Variants in DNAH1 observed in about 807,000 individuals in gnomAD.
DNAH1 encodes the protein dynein axonemal heavy chain 1, also known as axonemal beta dynein heavy chain 1.
In DNAH1, 327 loss-of-function variants were observed where a neutral mutation model predicts 484.3. The ratio of observed to expected loss-of-function variants is 0.68; its 90% CI spans 0.62 to 0.74. The LOEUF (loss-of-function observed/expected upper bound fraction) is 0.74. Among genes scored for constraint, DNAH1 ranks in the 30% least tolerant of loss-of-function variants. The probability of loss-of-function intolerance (pLI) is 0.00; values close to 1 mark genes in which losing one functional copy is unlikely to be tolerated. For missense variants in DNAH1, 5,052 were observed against 5,546.8 expected (o/e 0.91, Z 2.83); for synonymous variants, 2,192 against 2,191.9 (o/e 1.00, Z 0.00).
In DNAH1 at chr3:52,357,600, C is replaced by T; in HGVS notation, c.3859-14C>T. On this transcript the variant is annotated splice_polypyrimidine_tract_variant and intron_variant, in intron 22 of 77. Coordinates refer to ENST00000420323, the MANE Select transcript of DNAH1 (RefSeq NM_015512.5). ...GCTCACTGCCCATTTCTGTGCATGG[C>T]CCGGGCCCTGCAGGTGATCAATGTG... The T allele has an allele frequency of 6.3e-7, 1 of 1,595,020 alleles. No individual in the cohort carries two copies. Among genetic ancestry groups the T allele is most frequent in the Non-Finnish European group, 8.5e-7 (1 of 1,170,138 alleles).
In DNAH1 at chr3:52,326,176, G is replaced by A. The variant is rs768707082; in HGVS notation, c.443G>A (p.Arg148His). The stretch of plus-strand genomic sequence containing the variant: ...GAGGTTCCTGAAGACTTCCAGGAGC[G>A]CATGGAGCAGCAGTGCATCGGGTCC... ...SFEVPEDFQE[R>H]MEQQCIGSTT... The change falls in exon 4 of 78, where the codon CGC becomes CAC. Residue 148 changes from arginine to histidine, a missense_variant. By Grantham distance (29) the Arg-to-His change is conservative. Transcript: ENST00000420323. 20 of 1,611,564 alleles carry A rather than the reference G, an allele frequency of 1.2e-5. No homozygotes were observed. The highest frequency in any genetic ancestry group is 4.0e-5 in the African/African-American group (3 of 74,896).
chr3:52,335,195 A>G (rs1701697048), intron 8 of DNAH1, among the ~76,000 whole-genome samples: 1 of 120,698 alleles, frequency 8.3e-6, no homozygotes, highest in Non-Finnish European at 1.6e-5. Context: ...AGCTGGAATT[A>G]CAGGTGCCTG....
At chr3:52,372,196 G>T (rs760385925) in intron 42 of DNAH1, 31 bp from the exon 43 acceptor site, 12 of 1,612,224 alleles carry the variant, frequency 7.4e-6, no homozygotes, top group Non-Finnish European at 1.0e-5. Context: ...CAGGCCCACC[G>T]CATGCTCCTG....
chr3:52,314,227 A>G (rs1356415085), upstream of DNAH1, among the ~76,000 whole-genome samples: 1 of 152,218 alleles, frequency 6.6e-6, no homozygotes, highest in Non-Finnish European at 1.5e-5. Flanking sequence ...TAATTATAAT[A>G]AACAGTTTCC....
chr3:52,341,459 A>G (rs544005806), intron 8 of DNAH1, among the ~76,000 whole-genome samples: 17 of 152,046 alleles, frequency 1.1e-4, no homozygotes, highest in Non-Finnish European at 2.4e-4. Context: ...ATCCTGTGGG[A>G]AACTCTAGAG....
intron 39 of DNAH1, 30 bp downstream of exon 39, chr3:52,370,259 C>G (rs1203908702): frequency 1.2e-6 from 2 of 1,607,440 alleles, no homozygotes; most frequent in Admixed American, 3.4e-5. Flanking sequence ...GCTAGATGCA[C>G]CTGGTCCCTC....
At chr3:52,399,247 G>C (rs765255712) in intron 76 of DNAH1, 46 bp downstream of exon 76, 1 of 1,534,578 alleles carries the variant, frequency 6.5e-7, no homozygotes, top group Non-Finnish European at 8.8e-7. Flanking sequence ...CTAGGGTACA[G>C]CCCAGGGAGG....
rs1217175680 is a variant in DNAH1 at position 52,322,581 on chromosome 3, T to C, written c.139T>C (p.Tyr47His). 6.2e-7 allele frequency: 1 copy of C among 1,613,884 alleles called. No individual in the cohort carries two copies. ...NPGKILPGSD[Y>H]GLGNPPALDP... ...GGGGAAGATTCTTCCAGGATCAGACTATGGGTTGGGAAATCCTCCAGCCCT... is the reference window on the plus strand; with the variant it reads ...GGGGAAGATTCTTCCAGGATCAGACCATGGGTTGGGAAATCCTCCAGCCCT... Residue 47 changes from tyrosine to histidine, a missense_variant, in exon 2 of 78, where the codon TAT becomes CAT. Tyr to His is a moderately conservative substitution (Grantham distance 83). Coordinates refer to ENST00000420323, the MANE Select transcript of DNAH1 (RefSeq NM_015512.5).
At chr3:52,312,499 C>G (rs1700811650), upstream of DNAH1, among the ~76,000 whole-genome samples, 1 of 142,914 alleles carries the variant, frequency 7.0e-6, no homozygotes, top group South Asian at 2.2e-4. Flanking sequence ...GAGATGGAGT[C>G]TCTCTCTGTC....
chr3:52,360,526 C>A, intron 28 of DNAH1, 102 bp downstream of exon 28: 1 of 973,048 alleles, frequency 1.0e-6, no homozygotes, highest in South Asian at 1.5e-5. Context: ...TGATCTAGTC[C>A]ATCAGAGCAG....
At chr3:52,388,357 G>C in intron 57 of DNAH1, 23 bp downstream of exon 57, 1 of 1,600,200 alleles carries the variant, frequency 6.2e-7, no homozygotes, top group Non-Finnish European at 8.5e-7. Context: ...TGGAGCTGGT[G>C]GGGGAGGGCT....
Position 52,353,277 on chromosome 3 carries a change from G to C in DNAH1, c.3202G>C (p.Val1068Leu), listed in dbSNP as rs201455697. The C allele has an allele frequency of 6.2e-7, 1 of 1,613,936 alleles. No individual in the cohort carries two copies. Among genetic ancestry groups the C allele is most frequent in the Admixed American group, 1.7e-5 (1 of 60,030 alleles). ...VEAFKTMHKC[V>L]KQFKDMPACQ... Reference sequence around the variant, plus strand: ...AGCCTTCAAGACCATGCACAAGTGCGTGAAGCAGTTTAAGGACATGCCAGG... The same window carrying C: ...AGCCTTCAAGACCATGCACAAGTGCCTGAAGCAGTTTAAGGACATGCCAGG... The change falls in exon 19 of 78, where the codon GTG (valine) becomes CTG (leucine). Residue 1068 changes from valine to leucine, a missense_variant. Val to Leu is a conservative substitution (Grantham distance 32). Around this residue, in one of 4 missense-constraint regions of DNAH1, gnomAD observed 2,929 missense variants for 3,409.4 expected, o/e 0.86. Transcript: ENST00000420323. The surrounding 1 kb of genome is among the most constrained non-coding windows in gnomAD (Gnocchi z 5.0).
intron 12 of DNAH1, 61 bp downstream of exon 12, chr3:52,348,035 T>C (rs1578115092): frequency 1.3e-6 from 2 of 1,528,968 alleles, no homozygotes; most frequent in Non-Finnish European, 1.8e-6. Flanking sequence ...GATGGCTCCC[T>C]GAGCTCAGGG....
rs1441599394 is a variant in DNAH1, at chr3:52,359,236, G to A, written c.4267-10G>A. On this transcript the variant is annotated splice_polypyrimidine_tract_variant and intron_variant, in intron 25 of 77. Transcript: ENST00000420323. ...CTGTCCAGGTCAGCCTGCCCATGCT[G>A]TCTTCCCAGATGCCCAGGACCCAGT... is the stretch of plus-strand genomic sequence containing the variant. The A allele has an allele frequency of 6.4e-7, 1 of 1,562,988 alleles. No individual in the cohort carries two copies. The highest frequency in any genetic ancestry group is 8.7e-7 in the Non-Finnish European group (1 of 1,153,018).
chr3:52,319,052 G>A (rs1701051169), intron 1 of DNAH1, among the ~76,000 whole-genome samples: 1 of 152,244 alleles, frequency 6.6e-6, no homozygotes, highest in African/African-American at 2.4e-5. Context: ...CTTTGGGTCA[G>A]CCAGAAGTGA....
Position 52,394,571 on chromosome 3 carries a change from C to A in DNAH1, c.10733C>A (p.Ser3578Ter). The A allele has an allele frequency of 1.2e-6, 2 of 1,612,760 alleles. No homozygotes were observed. The highest frequency in any genetic ancestry group is 1.7e-6 in the Non-Finnish European group (2 of 1,179,184). ...GCTTGGCGAGACATCCTAGCACTCTCGAACCTGCCAACCTTTTCCTCCTTC... is the reference window on the plus strand; with the variant it reads ...GCTTGGCGAGACATCCTAGCACTCTAGAACCTGCCAACCTTTTCCTCCTTC... ...DRAWRDILAL[S>*]NLPTFSSFSS... The change falls in exon 67 of 78, where the codon TCG (serine) becomes TAG (stop). Residue 3578 changes from serine to a stop codon, truncating the protein, a stop_gained. Transcript: ENST00000420323. LOFTEE classifies it high-confidence loss of function.
At chr3:52,312,305 G>C (rs1432497150), upstream of DNAH1, among the ~76,000 whole-genome samples, 1 of 152,084 alleles carries the variant, frequency 6.6e-6, no homozygotes, top group East Asian at 1.9e-4. Context: ...GAAGAGAACA[G>C]ACGGGGGTAT....
At chr3:52,360,695 TCTCAGCA>T (rs780464267) in intron 28 of DNAH1, among the ~76,000 whole-genome samples, 64 of 152,152 alleles carry the variant, frequency 4.2e-4, no homozygotes, top group South Asian at 2.1e-4. Context: ...CATGTAGAGC[TCTCAGCA>T]CAGGTGTGGC....
intron 53 of DNAH1, 96 bp downstream of exon 53, chr3:52,385,073 C>T: frequency 2.2e-6 from 3 of 1,393,246 alleles, no homozygotes; most frequent in South Asian, 2.9e-5. Flanking sequence ...CTCCGCCTTT[C>T]AAACTGCAGC....
Sources: gnomAD v4.1 joint callset for allele counts (sites outside exome capture counted in the v4.1 genomes callset) on GRCh38, gnomAD v4.1.1 for gene constraint, gnomAD v4.1.1 regional missense constraint, Gnocchi (gnomAD v3.1) non-coding constraint, MANE v1.5 for transcripts, NCBI Gene and HGNC (gene_info 2026-07-23, HGNC 2026-07-21) for gene names.